Variants in SNX1 observed in about 807,000 individuals in gnomAD.
SNX1 encodes sorting nexin 1.
Under a neutral mutation model 71.8 loss-of-function variants are expected in SNX1, and 36 were observed. That is an observed-to-expected ratio of 0.50 (90% confidence interval 0.38 to 0.66). The LOEUF is 0.66. Ranked by LOEUF, SNX1 falls within the 30% of genes least tolerant of loss-of-function variation. The pLI is 0.00. For synonymous variants in SNX1, 254 were observed against 240.7 expected, an observed-to-expected ratio of 1.06 and a Z score of -0.51; for missense variants, 612 against 646.7, an observed-to-expected ratio of 0.95 and a Z score of 0.58.
At chr15:64,096,611 C>T (rs2080904024) in intron 1 of SNX1, among the ~76,000 whole-genome samples, 1 of 152,210 alleles carries the variant, frequency 6.6e-6, no homozygotes, top group African/African-American at 2.4e-5. Context: ...GACCCGCCCA[C>T]CAGTTCTTTC....
intron 10 of SNX1, among the ~76,000 whole-genome samples, chr15:64,131,051 G>T (rs138561289): frequency 2.6e-5 from 4 of 152,186 alleles, no homozygotes; most frequent in Admixed American, 6.5e-5. Flanking sequence ...TTGGGAGGCC[G>T]AGGCAGGTGG....
chr15:64,124,044 C>G (rs1250531463), intron 5 of SNX1, among the ~76,000 whole-genome samples: 1 of 151,284 alleles, frequency 6.6e-6, no homozygotes, highest in African/African-American at 2.4e-5. Context: ...AGTTGAGTAT[C>G]ATTGGATCCA....
At position 64,137,931 on chromosome 15, in the gene SNX1, G is replaced by C; in HGVS notation, c.*313G>C. 7.1e-7 allele frequency: 1 copy of C among 1,417,042 alleles called. No individual in the cohort carries two copies. Among genetic ancestry groups the C allele is most frequent in the Admixed American group, 3.1e-5 (1 of 32,368 alleles). The allele number at this position is 1,417,042 out of a possible 1,614,324, so 87.8% of individuals were successfully genotyped here. A position where few individuals can be genotyped will look rare whatever the true frequency, so the allele number is the denominator to read the frequency against. On this transcript the variant is annotated 3_prime_UTR_variant, in exon 15 of 15. Transcript: ENST00000559844. Reference sequence around the variant, plus strand: ...GTATATTTTTCAGGATGTGGTTTAGGAACTGGGAATAACGTTTTCTGTTAC... The same window carrying C: ...GTATATTTTTCAGGATGTGGTTTAGCAACTGGGAATAACGTTTTCTGTTAC...
At chr15:64,101,704 C>G (rs577625078) in intron 1 of SNX1, among the ~76,000 whole-genome samples, 10 of 152,144 alleles carry the variant, frequency 6.6e-5, no homozygotes, top group Non-Finnish European at 1.3e-4. Context: ...GGTAGTTGCA[C>G]CATTTTATGG....
At chr15:64,123,148 T>C (rs1241283720) in intron 4 of SNX1, among the ~76,000 whole-genome samples, 1 of 152,240 alleles carries the variant, frequency 6.6e-6, no homozygotes, top group East Asian at 1.9e-4. Context: ...TTTGGACAGA[T>C]GTGTGTAACC....
chr15:64,130,584 C>T (rs1446248667), intron 10 of SNX1, among the ~76,000 whole-genome samples: 2 of 152,180 alleles, frequency 1.3e-5, no homozygotes, highest in African/African-American at 4.8e-5. Context: ...GGGATATGGG[C>T]TTCTGTTGAT....
intron 12 of SNX1, among the ~76,000 whole-genome samples, chr15:64,136,012 TAA>T (rs545231590): frequency 6.0e-4 from 92 of 152,284 alleles, no homozygotes; most frequent in Non-Finnish European, 1.2e-3. Flanking sequence ...AGAACTAAAT[TAA>T]GTTTTCCAGG....
rs573943963 is a variant in SNX1 at position 64,105,246 on chromosome 15, G to C, written c.160-7327G>C. Among the ~76,000 whole-genome samples, 3 of 151,710 alleles carry C rather than the reference G, an allele frequency of 2.0e-5. No individual in the cohort carries two copies. The East Asian group carries it at 5.8e-4, about 29-fold the overall frequency. On this transcript the variant is annotated intron_variant, in intron 1 of 14. Coordinates refer to ENST00000559844, the MANE Select transcript of SNX1 (RefSeq NM_003099.5). ...AAAAAAAAAAAAATTAGGGGCTTAT[G>C]AGAGAAACAATAAAGGTTGCCGTCA...
At chr15:64,102,531 C>T (rs927548560) in intron 1 of SNX1, among the ~76,000 whole-genome samples, 1 of 152,140 alleles carries the variant, frequency 6.6e-6, no homozygotes, top group African/African-American at 2.4e-5. Flanking sequence ...TCATCCTGCC[C>T]TGCCTTCCCT....
chr15:64,129,910 T>C lies in SNX1; in HGVS notation c.808-6T>C. On this transcript the variant is annotated splice_region_variant and splice_polypyrimidine_tract_variant and intron_variant, in intron 8 of 14. Transcript: ENST00000559844. This position sits in a 1 kb window ranked among gnomAD's most constrained non-coding sequence, Gnocchi z 4.4. ...ACTTGCCATCCCTGCCTTCTTGGTCTTGTAGCTGCCACGTGCCGTGGGTAC... is the reference window on the plus strand; with the variant it reads ...ACTTGCCATCCCTGCCTTCTTGGTCCTGTAGCTGCCACGTGCCGTGGGTAC... 6.2e-7 allele frequency: 1 copy of C among 1,611,556 alleles called. No homozygotes were observed. Among genetic ancestry groups the C allele is most frequent in the African/African-American group, 1.3e-5 (1 of 75,000 alleles).
intron 12 of SNX1, among the ~76,000 whole-genome samples, chr15:64,135,674 G>A (rs1378058533): frequency 4.0e-5 from 6 of 149,326 alleles, no homozygotes; most frequent in South Asian, 4.2e-4. Context: ...CAGGAGAATC[G>A]CTTGAACCTG....
chr15:64,096,926 T>C (rs1003224968), intron 1 of SNX1, among the ~76,000 whole-genome samples: 2 of 152,194 alleles, frequency 1.3e-5, no homozygotes, highest in African/African-American at 4.8e-5. Flanking sequence ...GAACAAATAA[T>C]TGGACAAAAC....
intron 2 of SNX1, among the ~76,000 whole-genome samples, chr15:64,116,598 G>A (rs140383493): frequency 1.1e-4 from 16 of 152,202 alleles, no homozygotes; most frequent in Non-Finnish European, 2.1e-4. Context: ...CTCTGGTTTC[G>A]TTTAGCCCCA....
Position 64,136,807 on chromosome 15 carries a change from C to G in SNX1, c.1447-54C>G, listed in dbSNP as rs1023478920. ...TTGGTCAGCAATAAACACCACCATC[C>G]CATCGAAAGGGAAAGCAAAAACTGG... On this transcript the variant is annotated intron_variant, in intron 13 of 14. Coordinates refer to ENST00000559844, the MANE Select transcript of SNX1 (RefSeq NM_003099.5). 4.5e-6 allele frequency: 6 copies of G among 1,338,962 alleles called. No homozygotes were observed. The African/African-American group carries it at 8.7e-5, about 19-fold the overall frequency. 82.9% of individuals were successfully genotyped at this position (1,338,962 alleles called of 1,614,324 possible).
In SNX1 at chr15:64,141,881, G is replaced by T. The variant is rs1463207021; in HGVS notation, c.*4263G>T. 2 of 152,308 alleles carry T rather than the reference G, an allele frequency of 1.3e-5. No homozygotes were observed. Among genetic ancestry groups the T allele is most frequent in the Middle Eastern group, 3.2e-3 (1 of 316 alleles). 9.4% of individuals were successfully genotyped at this position (152,308 alleles called of 1,614,324 possible). On this transcript the variant is annotated 3_prime_UTR_variant, in exon 15 of 15. Coordinates refer to ENST00000559844, the MANE Select transcript of SNX1 (RefSeq NM_003099.5). The surrounding 1 kb of genome is among the most constrained non-coding windows in gnomAD (Gnocchi z 5.1). The stretch of plus-strand genomic sequence containing the variant: ...AACCACTGAGATCGGTCCTTGATTT[G>T]ATGAGAGGCTTGAGGGGAGAGGGAG...
At position 64,130,212 on chromosome 15, in the gene SNX1, G is replaced by A. The variant is rs751873047; in HGVS notation, c.922-16G>A. Reference sequence around the variant, plus strand: ...TAAAAGTAATCTCATTAAAGTTCTGGGCTTTTGTGTTTCAGTGGTTTGAGG... The same window carrying A: ...TAAAAGTAATCTCATTAAAGTTCTGAGCTTTTGTGTTTCAGTGGTTTGAGG... On this transcript the variant is annotated splice_polypyrimidine_tract_variant and intron_variant, in intron 9 of 14. Coordinates refer to ENST00000559844, the MANE Select transcript of SNX1 (RefSeq NM_003099.5). 1.9e-6 allele frequency: 3 copies of A among 1,611,914 alleles called. No individual in the cohort carries two copies. The highest frequency in any genetic ancestry group is 1.3e-5 in the African/African-American group (1 of 74,836).
intron 1 of SNX1, among the ~76,000 whole-genome samples, chr15:64,097,607 G>T (rs1293646944): frequency 6.6e-6 from 1 of 152,032 alleles, no homozygotes; most frequent in Non-Finnish European, 1.5e-5. Context: ...ATAAGAGTTA[G>T]GTATTAGAAA....
At position 64,143,499 on chromosome 15, in the gene SNX1, G is replaced by C. The variant is rs2081435118; in HGVS notation, c.*5881G>C. On this transcript the variant is annotated 3_prime_UTR_variant, in exon 15 of 15. Coordinates refer to ENST00000559844, the MANE Select transcript of SNX1 (RefSeq NM_003099.5). ...CCCCAGTTGCAGGCTCTGCCACCTG[G>C]CGTTCATACTGTCTGTGAAAGGACC... is the stretch of plus-strand genomic sequence containing the variant. 1 of 152,188 alleles carries C rather than the reference G, an allele frequency of 6.6e-6. No homozygotes were observed. Among genetic ancestry groups the C allele is most frequent in the Non-Finnish European group, 1.5e-5 (1 of 68,038 alleles). The allele number at this position is 152,188 out of a possible 1,614,324, so 9.4% of individuals were successfully genotyped here.
intron 1 of SNX1, among the ~76,000 whole-genome samples, chr15:64,099,753 T>A (rs900315321): frequency 2.0e-5 from 3 of 152,222 alleles, no homozygotes; most frequent in Non-Finnish European, 4.4e-5. Context: ...CTCTTTTTGT[T>A]CAAGCTGGAG....
Sources: allele counts gnomAD v4.1 joint callset (sites outside exome capture counted in the v4.1 genomes callset), GRCh38; gene constraint gnomAD v4.1.1; non-coding constraint Gnocchi (gnomAD v3.1); transcripts MANE v1.5; gene names NCBI Gene and HGNC (gene_info 2026-07-23, HGNC 2026-07-21).